CACNA2D3: variants seen among roughly 807,000 people sequenced by gnomAD.
CACNA2D3 encodes the protein voltage-dependent calcium channel subunit alpha-2/delta-3.
A neutral mutation model predicts 160.6 loss-of-function variants in CACNA2D3; 60 were observed. That is an observed-to-expected ratio of 0.37 (90% CI 0.30 to 0.46). The LOEUF is 0.46. Ranked by LOEUF, CACNA2D3 falls within the 20% of genes least tolerant of loss-of-function variation. CACNA2D3 has a pLI of 1.00. For missense variants in CACNA2D3, 1,205 were observed against 1,365.0 expected (o/e 0.88, Z 1.85); for synonymous variants, 558 against 492.9 (o/e 1.13, Z -1.75).
chr3:54,413,893 A>T (rs1425632542), intron 4 of CACNA2D3, among the ~76,000 whole-genome samples: 3 of 131,436 alleles, frequency 2.3e-5, no homozygotes, highest in African/African-American at 5.6e-5. Context: ...GTTTCTTTTG[A>T]CTGCTTTTTC....
intron 5 of CACNA2D3, among the ~76,000 whole-genome samples, chr3:54,516,435 A>G (rs146949985): frequency 1.4e-3 from 217 of 152,208 alleles, no homozygotes; most frequent in African/African-American, 4.1e-3. Flanking sequence ...TGGTAGAACA[A>G]TTCTGGAGTG....
chr3:54,220,996 T>C (rs1033863974), intron 2 of CACNA2D3, among the ~76,000 whole-genome samples: 2 of 152,144 alleles, frequency 1.3e-5, no homozygotes, highest in Non-Finnish European at 2.9e-5. Context: ...GGTGAGAAAG[T>C]AGGTGGCTGG....
At chr3:54,854,801 A>G (rs938567937) in intron 17 of CACNA2D3, among the ~76,000 whole-genome samples, 3 of 152,186 alleles carry the variant, frequency 2.0e-5, no homozygotes, top group Non-Finnish European at 4.4e-5. Flanking sequence ...CAAAAAAGAT[A>G]TTCCCTGATG....
chr3:54,461,395 C>T (rs1700501475), intron 4 of CACNA2D3, among the ~76,000 whole-genome samples: 1 of 151,206 alleles, frequency 6.6e-6, no homozygotes, highest in African/African-American at 2.4e-5. Context: ...GGCTGTGAAT[C>T]CATCTGGTCC....
At chr3:54,389,186 T>C (rs1001780530) in intron 4 of CACNA2D3, among the ~76,000 whole-genome samples, 25 of 151,752 alleles carry the variant, frequency 1.6e-4, no homozygotes, top group Non-Finnish European at 3.1e-4. Context: ...TCCCAGCTAC[T>C]CAGTAGGCTG....
At chr3:54,726,243 C>G (rs531598210) in intron 11 of CACNA2D3, among the ~76,000 whole-genome samples, 1 of 151,960 alleles carries the variant, frequency 6.6e-6, no homozygotes, top group Non-Finnish European at 1.5e-5. Context: ...TAAAAACCAG[C>G]GCTCAAGGAA....
intron 27 of CACNA2D3, among the ~76,000 whole-genome samples, chr3:54,920,238 A>G (rs778102123): frequency 2.0e-5 from 3 of 152,190 alleles, no homozygotes; most frequent in Non-Finnish European, 2.9e-5. Flanking sequence ...ATGCTTTCAC[A>G]TTTACTCTCT....
chr3:54,365,841 G>A (rs1413606718), intron 3 of CACNA2D3, among the ~76,000 whole-genome samples: 1 of 152,172 alleles, frequency 6.6e-6, no homozygotes, highest in Admixed American at 6.5e-5. Context: ...CCAGCCTGGT[G>A]ACAGAGCGAG....
At chr3:54,257,772 T>C (rs1047895133) in intron 2 of CACNA2D3, among the ~76,000 whole-genome samples, 16 of 152,216 alleles carry the variant, frequency 1.1e-4, no homozygotes, top group East Asian at 1.9e-4. Flanking sequence ...TGCAATAGGC[T>C]AATTCAGAAG....
At chr3:54,581,418 A>T (rs1156855497) in intron 8 of CACNA2D3, among the ~76,000 whole-genome samples, 1 of 152,164 alleles carries the variant, frequency 6.6e-6, no homozygotes, top group African/African-American at 2.4e-5. Context: ...GAAGCCAAAG[A>T]CAGTAGCTGG....
chr3:54,248,679 T>A (rs1702128808), intron 2 of CACNA2D3, among the ~76,000 whole-genome samples: 1 of 152,102 alleles, frequency 6.6e-6, no homozygotes, highest in South Asian at 2.1e-4. Flanking sequence ...ACTGGCATCT[T>A]GATGTTGGAC....
Position 54,778,323 on chromosome 3 carries a change from C to T in CACNA2D3, c.1380+13972C>T, listed in dbSNP as rs545212310. On this transcript the variant is annotated intron_variant, in intron 13 of 37. Coordinates refer to ENST00000474759, the MANE Select transcript of CACNA2D3 (RefSeq NM_018398.3). ...AATGGGGCCTTTCCCCATTCCGTGC[C>T]GCCATCCTCCAGCCTTAACCTACTC... 2.7e-4 allele frequency among the ~76,000 whole-genome samples: 41 copies of T among 152,174 alleles called. 1 individual carries two copies. The South Asian group carries it at 5.8e-3, about 22-fold the overall frequency.
intron 2 of CACNA2D3, among the ~76,000 whole-genome samples, chr3:54,303,459 A>G (rs1360258740): frequency 2.0e-5 from 3 of 152,242 alleles, no homozygotes; most frequent in African/African-American, 7.2e-5. Context: ...GGACGAGTGC[A>G]TATATCAAGT....
At chr3:54,862,049 A>G (rs78209485) in intron 17 of CACNA2D3, among the ~76,000 whole-genome samples, 1,989 of 152,334 alleles carry the variant, frequency 0.013, 40 homozygotes, top group African/African-American at 0.044. Context: ...TATCCGGTCG[A>G]GAAGACGGAC....
At chr3:54,956,897 C>G (rs1466604035) in intron 27 of CACNA2D3, among the ~76,000 whole-genome samples, 1 of 152,084 alleles carries the variant, frequency 6.6e-6, no homozygotes, top group Admixed American at 6.6e-5. Context: ...AGGGAAACCT[C>G]TTTGCCTTTG....
intron 2 of CACNA2D3, among the ~76,000 whole-genome samples, chr3:54,149,932 C>CCTCT (rs1410236798): frequency 0.034 from 820 of 23,830 alleles, 38 homozygotes; most frequent in Admixed American, 0.093. Flanking sequence ...TCTCTCTCTC[C>CCTCT]CTCCCTCCCT....
At chr3:54,900,822 T>G (rs1700311343) in intron 27 of CACNA2D3, among the ~76,000 whole-genome samples, 1 of 152,232 alleles carries the variant, frequency 6.6e-6, no homozygotes, top group Admixed American at 6.5e-5. Flanking sequence ...GGTTGTTCTT[T>G]GGCGAGGAAA....
intron 2 of CACNA2D3, among the ~76,000 whole-genome samples, chr3:54,257,349 G>A (rs543775064): frequency 2.0e-5 from 3 of 152,310 alleles, no homozygotes; most frequent in African/African-American, 7.2e-5. Flanking sequence ...GATGACAAGC[G>A]TGAAATTAAT....
chr3:54,869,367 A>T (rs1412262553), intron 17 of CACNA2D3, among the ~76,000 whole-genome samples: 2 of 152,250 alleles, frequency 1.3e-5, no homozygotes, highest in African/African-American at 4.8e-5. Context: ...AAAGAAGCAG[A>T]ATTAAGAAGG....
Sources: gnomAD v4.1 joint callset for allele counts (sites outside exome capture counted in the v4.1 genomes callset) on GRCh38, gnomAD v4.1.1 for gene constraint, MANE v1.5 for transcripts, NCBI Gene and HGNC (gene_info 2026-07-23, HGNC 2026-07-21) for gene names.